The following SPAG16 variants were observed in gnomAD, a reference collection of about 807,000 sequenced individuals.
SPAG16 encodes the protein sperm associated antigen 16.
In SPAG16, 86 loss-of-function variants were observed where a neutral mutation model predicts 80.4. The ratio of observed to expected loss-of-function variants is 1.07; its 90% CI spans 0.90 to 1.28. The LOEUF (loss-of-function observed/expected upper bound fraction) is 1.28. Ranked by LOEUF, SPAG16 falls within the 50% of genes most tolerant of loss-of-function variation. The pLI is 0.00. For synonymous variants in SPAG16, 294 were observed against 265.9 expected, an observed-to-expected ratio of 1.11 and a Z score of -1.03; for missense variants, 870 against 765.3, an observed-to-expected ratio of 1.14 and a Z score of -1.61.
At chr2:214,367,229 C>T (rs535584274) in intron 15 of SPAG16, among the ~76,000 whole-genome samples, 12 of 152,218 alleles carry the variant, frequency 7.9e-5, no homozygotes, top group East Asian at 3.9e-4. Context: ...AAAAACCAAA[C>T]GGCTAGACTC....
At chr2:213,878,097 G>T (rs1044482789) in intron 11 of SPAG16, among the ~76,000 whole-genome samples, 1 of 151,980 alleles carries the variant, frequency 6.6e-6, no homozygotes, top group Admixed American at 6.6e-5. Flanking sequence ...TCTTTATTTT[G>T]ACTTTCTACT....
At chr2:213,409,176 AT>A (rs796205528) in intron 9 of SPAG16, among the ~76,000 whole-genome samples, 90 of 152,198 alleles carry the variant, frequency 5.9e-4, no homozygotes, top group African/African-American at 2.0e-3. Flanking sequence ...TGTCGAAAAA[AT>A]ATCTCTGAAA....
intron 9 of SPAG16, among the ~76,000 whole-genome samples, chr2:213,405,643 C>T (rs1458194180): frequency 6.6e-6 from 1 of 152,158 alleles, no homozygotes. Flanking sequence ...ACCTTCTTTT[C>T]CCAGTCTCTG....
chr2:213,808,396 G>A (rs2071906076), intron 10 of SPAG16, among the ~76,000 whole-genome samples: 1 of 152,110 alleles, frequency 6.6e-6, no homozygotes, highest in Non-Finnish European at 1.5e-5. Flanking sequence ...ACCTTAAAGA[G>A]GAAAGAATGG....
In SPAG16 at chr2:213,958,857, T is replaced by C. The variant is rs559120679; in HGVS notation, c.1400+28712T>C. ...TACTTACCAGTAATGAAATCTTTATTTCTTAATGTGGCTTTGAGTGACTGT... is the reference window on the plus strand; with the variant it reads ...TACTTACCAGTAATGAAATCTTTATCTCTTAATGTGGCTTTGAGTGACTGT... On this transcript the variant is annotated intron_variant, in intron 12 of 15. Transcript: ENST00000331683. Among the ~76,000 whole-genome samples, 19 of 112,160 alleles carry C rather than the reference T, an allele frequency of 1.7e-4. No homozygotes were observed. The South Asian group carries it at 2.2e-3, about 13-fold the overall frequency. 73.6% of individuals were successfully genotyped at this position (112,160 alleles called of 152,430 possible).
intron 9 of SPAG16, among the ~76,000 whole-genome samples, chr2:213,451,248 T>C (rs1315703907): frequency 6.6e-6 from 1 of 152,190 alleles, no homozygotes; most frequent in African/African-American, 2.4e-5. Flanking sequence ...TTTTTTTAAA[T>C]GAGAAAAAGA....
chr2:214,212,619 G>T (rs1469274123), intron 15 of SPAG16, among the ~76,000 whole-genome samples: 1 of 152,058 alleles, frequency 6.6e-6, no homozygotes, highest in Non-Finnish European at 1.5e-5. Flanking sequence ...ATAAAGTCAG[G>T]CTCCAGAAGG....
At chr2:214,331,455 C>T (rs1696906901) in intron 15 of SPAG16, among the ~76,000 whole-genome samples, 1 of 152,100 alleles carries the variant, frequency 6.6e-6, no homozygotes, top group Admixed American at 6.5e-5. Context: ...AGTGTTTTCC[C>T]CTGAGAATAC....
chr2:213,412,056 T>G (rs2068999900), intron 9 of SPAG16, among the ~76,000 whole-genome samples: 1 of 152,276 alleles, frequency 6.6e-6, no homozygotes, highest in Middle Eastern at 3.4e-3. Context: ...CTTTTTCGTT[T>G]CCCTGACTCA....
At chr2:214,127,011 A>AT (rs1259523376) in intron 14 of SPAG16, among the ~76,000 whole-genome samples, 2 of 151,864 alleles carry the variant, frequency 1.3e-5, no homozygotes, top group African/African-American at 2.4e-5. Context: ...AGATAAAAAT[A>AT]TTTTTTCCCA....
At chr2:213,965,739 T>G (rs1475343234) in intron 12 of SPAG16, among the ~76,000 whole-genome samples, 1 of 152,232 alleles carries the variant, frequency 6.6e-6, no homozygotes, top group Non-Finnish European at 1.5e-5. Flanking sequence ...CTCCATGATT[T>G]ATTCTAAATA....
At chr2:213,889,360 A>G (rs1305120958) in intron 11 of SPAG16, among the ~76,000 whole-genome samples, 1 of 151,922 alleles carries the variant, frequency 6.6e-6, no homozygotes, top group Admixed American at 6.6e-5. Flanking sequence ...AGAATTATCT[A>G]GGTATGTAAT....
At chr2:213,701,337 A>C (rs1418362407) in intron 10 of SPAG16, among the ~76,000 whole-genome samples, 1 of 152,244 alleles carries the variant, frequency 6.6e-6, no homozygotes, top group African/African-American at 2.4e-5. Flanking sequence ...ATTTGAGTTC[A>C]AAAGAAATAG....
intron 11 of SPAG16, among the ~76,000 whole-genome samples, chr2:213,903,016 A>G (rs2077281956): frequency 6.6e-6 from 1 of 152,198 alleles, no homozygotes; most frequent in South Asian, 2.1e-4. Context: ...TGCTGATATA[A>G]GAGGTGGGTT....
intron 14 of SPAG16, among the ~76,000 whole-genome samples, chr2:214,117,214 A>G (rs1385733828): frequency 6.6e-6 from 1 of 152,194 alleles, no homozygotes; most frequent in Non-Finnish European, 1.5e-5. Flanking sequence ...ATAATGAATG[A>G]AATAAAAGAC....
At chr2:213,868,465 A>G (rs143452004) in intron 11 of SPAG16, among the ~76,000 whole-genome samples, 13 of 152,316 alleles carry the variant, frequency 8.5e-5, no homozygotes, top group South Asian at 2.1e-4. Context: ...TACATAATCA[A>G]TATTCAGGTT....
chr2:213,851,435 T>G lies in SPAG16; in HGVS notation c.1071-11050T>G, dbSNP rs1023168123. 7.9e-5 allele frequency among the ~76,000 whole-genome samples: 12 copies of G among 152,132 alleles called. 1 individual carries two copies. The highest frequency in any genetic ancestry group is 5.2e-4 in the Admixed American group (8 of 15,264). On this transcript the variant is annotated intron_variant, in intron 10 of 15. Coordinates refer to ENST00000331683, the MANE Select transcript of SPAG16 (RefSeq NM_024532.5). ...AGGCAGGAGAATCACTTTAACCCAG[T>G]AGGCGGAGGTTGCAGTGAGCCAAGA...
chr2:213,357,327 C>CGTTGATCTGTCTAAT, intron 7 of SPAG16, among the ~76,000 whole-genome samples: 1 of 152,176 alleles, frequency 6.6e-6, no homozygotes, highest in Non-Finnish European at 1.5e-5. Context: ...CCTTCTGTCT[C>CGTTGATCTGTCTAAT]GTTGATCTGT....
At chr2:214,127,558 C>A (rs1170961163) in intron 14 of SPAG16, among the ~76,000 whole-genome samples, 3 of 151,944 alleles carry the variant, frequency 2.0e-5, no homozygotes, top group South Asian at 4.1e-4. Flanking sequence ...TGTGTTAAAT[C>A]AAAGATTCAC....
Sources: gnomAD v4.1 joint callset for allele counts (sites outside exome capture counted in the v4.1 genomes callset) on GRCh38, gnomAD v4.1.1 for gene constraint, MANE v1.5 for transcripts, NCBI Gene and HGNC (gene_info 2026-07-23, HGNC 2026-07-21) for gene names.